CSMD1: variants seen among roughly 807,000 people sequenced by gnomAD.
CSMD1 encodes CUB and sushi domain-containing protein 1.
A neutral mutation model predicts 417.5 loss-of-function variants in CSMD1; 213 were observed. That is an observed-to-expected ratio of 0.51 (90% CI 0.46 to 0.57). CSMD1 has a LOEUF of 0.57. Among genes scored for constraint, CSMD1 ranks in the 20% least tolerant of loss-of-function variants. The pLI, the probability that CSMD1 is intolerant of heterozygous loss-of-function variation, is 0.00. For synonymous variants in CSMD1, 2,862 were observed against 1,736.8 expected, an observed-to-expected ratio of 1.65 and a Z score of -16.11; for missense variants, 6,923 against 4,529.7, an observed-to-expected ratio of 1.53 and a Z score of -15.17.
chr8:3,679,069 C>G (rs12541449), intron 7 of CSMD1, among the ~76,000 whole-genome samples: 25 of 152,014 alleles, frequency 1.6e-4, no homozygotes, highest in Non-Finnish European at 2.8e-4. Context: ...GTACTAGCCA[C>G]TGCAAAAACA....
At chr8:4,160,937 T>C (rs895056589) in intron 3 of CSMD1, among the ~76,000 whole-genome samples, 2 of 152,230 alleles carry the variant, frequency 1.3e-5, no homozygotes, top group East Asian at 3.8e-4. Context: ...GGCCACTGCA[T>C]ACCTCATCAG....
intron 52 of CSMD1, among the ~76,000 whole-genome samples, chr8:3,002,273 C>T (rs1670458420): frequency 6.6e-6 from 1 of 152,226 alleles, no homozygotes; most frequent in African/African-American, 2.4e-5. Context: ...AGGACATTGT[C>T]TCTGAAGGTT....
chr8:4,164,541 G>C (rs1402657598), intron 3 of CSMD1, among the ~76,000 whole-genome samples: 3 of 152,058 alleles, frequency 2.0e-5, no homozygotes, highest in Non-Finnish European at 2.9e-5. Context: ...GATATAAGCT[G>C]TTGTATAAGC....
At chr8:4,010,669 G>C (rs574326012) in intron 4 of CSMD1, among the ~76,000 whole-genome samples, 2 of 152,216 alleles carry the variant, frequency 1.3e-5, no homozygotes, top group East Asian at 3.9e-4. Flanking sequence ...ATGGGACCTA[G>C]AGTTCCCTGA....
chr8:3,798,093 A>C (rs922906385), intron 5 of CSMD1, among the ~76,000 whole-genome samples: 7 of 151,850 alleles, frequency 4.6e-5, no homozygotes, highest in African/African-American at 1.5e-4. Context: ...TTGAAGTCTT[A>C]GTGGGTTTTT....
chr8:3,882,215 T>G (rs528124277), intron 5 of CSMD1, among the ~76,000 whole-genome samples: 67 of 151,184 alleles, frequency 4.4e-4, no homozygotes, highest in Admixed American at 2.4e-3. Flanking sequence ...AGACAACCCA[T>G]AAAGTGGAAA....
In CSMD1 at chr8:4,468,999, C is replaced by G. The variant is rs763274450; in HGVS notation, c.303-48934G>C. On this transcript the variant is annotated intron_variant, in intron 2 of 69. Coordinates refer to ENST00000635120, the MANE Select transcript of CSMD1 (RefSeq NM_033225.6). ...ATGGGTATAGTTCTCTTATCAGAGACTCTAAAAGGAAAAAAAGTTCAAAAG... is the reference window on the plus strand; with the variant it reads ...ATGGGTATAGTTCTCTTATCAGAGAGTCTAAAAGGAAAAAAAGTTCAAAAG... Among the ~76,000 whole-genome samples, 4 of 152,074 alleles carry G rather than the reference C, an allele frequency of 2.6e-5. No homozygotes were observed. The East Asian group carries it at 5.8e-4, about 22-fold the overall frequency.
At chr8:4,841,591 G>A (rs921842226) in intron 1 of CSMD1, among the ~76,000 whole-genome samples, 9 of 152,028 alleles carry the variant, frequency 5.9e-5, no homozygotes, top group Admixed American at 3.3e-4. Flanking sequence ...AATATAAATA[G>A]GAGATTTAAG....
At chr8:2,971,267 C>CT (rs1307975550) in intron 57 of CSMD1, among the ~76,000 whole-genome samples, 3 of 152,180 alleles carry the variant, frequency 2.0e-5, no homozygotes, top group African/African-American at 7.2e-5. Context: ...GGGTCAGACT[C>CT]TACCATCTCG....
chr8:4,231,543 G>A (rs1422009264), intron 3 of CSMD1, among the ~76,000 whole-genome samples: 3 of 152,096 alleles, frequency 2.0e-5, no homozygotes, highest in Non-Finnish European at 4.4e-5. Flanking sequence ...TGGTGTTAAA[G>A]GCTAAGCAAT....
chr8:3,682,329 C>A (rs569993440), intron 7 of CSMD1, among the ~76,000 whole-genome samples: 1 of 151,898 alleles, frequency 6.6e-6, no homozygotes, highest in Non-Finnish European at 1.5e-5. Context: ...TACAAAGAAC[C>A]CAAACAAATT....
At chr8:4,574,573 A>T (rs1799046552) in intron 2 of CSMD1, among the ~76,000 whole-genome samples, 1 of 152,188 alleles carries the variant, frequency 6.6e-6, no homozygotes, top group South Asian at 2.1e-4. Flanking sequence ...CTATTCGGTC[A>T]TCTTGCTGAG....
intron 1 of CSMD1, among the ~76,000 whole-genome samples, chr8:4,864,734 A>G (rs184886615): frequency 4.3e-4 from 66 of 151,904 alleles, no homozygotes; most frequent in African/African-American, 1.3e-3. Context: ...AATTCGAAGT[A>G]TATTTTCCAT....
intron 7 of CSMD1, among the ~76,000 whole-genome samples, chr8:3,663,788 C>G (rs1798543494): frequency 6.6e-6 from 1 of 152,176 alleles, no homozygotes; most frequent in Non-Finnish European, 1.5e-5. Flanking sequence ...ATTGATGTCT[C>G]ATGTCTCCCT....
At chr8:4,644,985 G>A (rs1235139391) in intron 1 of CSMD1, among the ~76,000 whole-genome samples, 2 of 152,120 alleles carry the variant, frequency 1.3e-5, no homozygotes, top group South Asian at 2.1e-4. Flanking sequence ...GGAAAGCAGT[G>A]GTACTTGAAA....
chr8:3,421,257 T>A (rs979109765), intron 12 of CSMD1, among the ~76,000 whole-genome samples: 14 of 152,312 alleles, frequency 9.2e-5, no homozygotes, highest in African/African-American at 3.4e-4. Context: ...CTTCAGAGAC[T>A]GGATCCAGGG....
chr8:4,634,420 T>A (rs889392323), intron 2 of CSMD1, among the ~76,000 whole-genome samples: 1 of 152,234 alleles, frequency 6.6e-6, no homozygotes, highest in African/African-American at 2.4e-5. Flanking sequence ...AGAAATTTAT[T>A]GATACTAAAA....
chr8:3,839,779 T>G (rs1802997093), intron 5 of CSMD1, among the ~76,000 whole-genome samples: 1 of 151,602 alleles, frequency 6.6e-6, no homozygotes, highest in South Asian at 2.1e-4. Flanking sequence ...GAGTTTATAT[T>G]TGTTCCCAGA....
At chr8:4,240,938 T>G (rs975135388) in intron 3 of CSMD1, among the ~76,000 whole-genome samples, 2 of 152,214 alleles carry the variant, frequency 1.3e-5, no homozygotes, top group African/African-American at 4.8e-5. Flanking sequence ...CATTACCAAC[T>G]TCTGACAATT....
Sources: allele counts gnomAD v4.1 joint callset (sites outside exome capture counted in the v4.1 genomes callset), GRCh38; gene constraint gnomAD v4.1.1; transcripts MANE v1.5; gene names NCBI Gene and HGNC (gene_info 2026-07-23, HGNC 2026-07-21).